Variants in PRKACA observed in about 807,000 individuals in gnomAD.
The protein encoded by PRKACA is protein kinase cAMP-activated catalytic subunit alpha.
A neutral mutation model predicts 45.8 loss-of-function variants in PRKACA; 9 were observed. The observed-to-expected ratio is 0.20, with a 90% confidence interval of 0.12 to 0.34. The LOEUF (loss-of-function observed/expected upper bound fraction) is 0.34, where lower values mean the gene tolerates loss of function less well. PRKACA is among the 10% of genes least tolerant of loss of function. PRKACA has a pLI of 1.00. For missense variants in PRKACA, 238 were observed against 458.6 expected (o/e 0.52, Z 4.39); for synonymous variants, 160 against 178.6 (o/e 0.90, Z 0.83).
intron 2 of PRKACA, 103 bp from the exon 3 acceptor site, chr19:14,106,991 G>C: frequency 6.8e-7 from 1 of 1,470,554 alleles, no homozygotes; most frequent in South Asian, 1.3e-5. Context: ...GGGCCCCGGG[G>C]AGCACGTGGG....
chr19:14,095,677 C>G (rs893566063), intron 8 of PRKACA, among the ~76,000 whole-genome samples: 13 of 151,700 alleles, frequency 8.6e-5, no homozygotes, highest in Non-Finnish European at 1.6e-4. Flanking sequence ...GCCACCACGC[C>G]CAGCTAATTT....
intron 1 of PRKACA, chr19:14,112,789 C>T (rs1243991593): frequency 6.6e-6 from 1 of 152,500 alleles, no homozygotes; most frequent in East Asian, 1.9e-4. Context: ...CTGCCTTCCT[C>T]AGTGGGCACT....
chr19:14,112,052 T>A (rs1165353362), intron 1 of PRKACA, among the ~76,000 whole-genome samples: 1 of 152,192 alleles, frequency 6.6e-6, no homozygotes, highest in East Asian at 1.9e-4. Context: ...AGCATGGCCC[T>A]TCTCTGGCCT....
At chr19:14,103,000 GAGCC>G (rs1026873927) in intron 3 of PRKACA, 86 bp from the exon 4 acceptor site, 65 of 1,097,022 alleles carry the variant, frequency 5.9e-5, no homozygotes, top group Non-Finnish European at 7.2e-5. Flanking sequence ...AGGGATGCCG[GAGCC>G]AGGCCGGTTC....
chr19:14,103,387 G>GC (rs1977502602), intron 3 of PRKACA, among the ~76,000 whole-genome samples: 1 of 152,140 alleles, frequency 6.6e-6, no homozygotes, highest in Admixed American at 6.5e-5. Context: ...TGAACCTCAG[G>GC]CTAACAGCTC....
chr19:14,099,438 C>T (rs1977375934), intron 5 of PRKACA, among the ~76,000 whole-genome samples: 1 of 151,062 alleles, frequency 6.6e-6, no homozygotes, highest in Admixed American at 6.6e-5. Flanking sequence ...ACGGCTTATG[C>T]AGTCTTTTTT....
intron 3 of PRKACA, among the ~76,000 whole-genome samples, chr19:14,106,200 C>A (rs1439498675): frequency 1.3e-5 from 2 of 151,866 alleles, no homozygotes; most frequent in Non-Finnish European, 2.9e-5. Context: ...AAAAAACAAA[C>A]AAACAACAAA....
chr19:14,104,353 A>AC (rs1045727425), intron 3 of PRKACA, among the ~76,000 whole-genome samples: 3 of 149,728 alleles, frequency 2.0e-5, no homozygotes, highest in African/African-American at 4.9e-5. Context: ...AAAAAAAAAA[A>AC]AACAACAACC....
In PRKACA at chr19:14,093,774, A is replaced by T. The variant is rs762420208; in HGVS notation, c.784T>A (p.Phe262Ile). The T allele has an allele frequency of 1.2e-6, 2 of 1,613,438 alleles. No homozygotes were observed. The highest frequency in any genetic ancestry group is 2.2e-5 in the South Asian group (2 of 91,014). ...VSGKVRFPSH[F>I]SSDLKDLLRN... Reference sequence around the variant, plus strand: ...AGCAGGTCCTTCAAGTCAGAGCTGAAGTGGGAAGGGAAGCGCACCTGGAGG... The same window carrying T: ...AGCAGGTCCTTCAAGTCAGAGCTGATGTGGGAAGGGAAGCGCACCTGGAGG... Residue 262 changes from phenylalanine to isoleucine, a missense_variant, in exon 9 of 10, where the codon TTC becomes ATC. By Grantham distance (21) the Phe-to-Ile change is conservative (BLOSUM62 0). Coordinates refer to ENST00000308677, the MANE Select transcript of PRKACA (RefSeq NM_002730.4).
At chr19:14,113,909 C>T (rs1349109750) in intron 1 of PRKACA, among the ~76,000 whole-genome samples, 1 of 152,168 alleles carries the variant, frequency 6.6e-6, no homozygotes, top group Non-Finnish European at 1.5e-5. Context: ...TGAGCTGGCC[C>T]CCTGCCGGGT....
chr19:14,114,050 C>T lies in PRKACA; in HGVS notation c.46+3452G>A, dbSNP rs1221079913. ...CACATCCTTCTTCTCTTCGCCTGTG[C>T]CCCAGACCCCGCTGCAGCCCCTCCC... On this transcript the variant is annotated intron_variant, in intron 1 of 9. Transcript: ENST00000308677. The T allele has an allele frequency of 7.5e-6, 11 of 1,470,042 alleles. No homozygotes were observed. The African/African-American group carries it at 9.9e-5, about 13-fold the overall frequency. The allele number at this position is 1,470,042 out of a possible 1,614,324, so 91.1% of individuals were successfully genotyped here. A position where few individuals can be genotyped will look rare whatever the true frequency, so the allele number is the denominator to read the frequency against.
rs1273516572 is a variant in PRKACA, at chr19:14,092,394, G to C, written c.*718C>G. The C allele has an allele frequency of 2.6e-6, 1 of 377,904 alleles. No individual in the cohort carries two copies. The highest frequency in any genetic ancestry group is 3.8e-5 in the East Asian group (1 of 26,550). 23.4% of individuals were successfully genotyped at this position (377,904 alleles called of 1,614,324 possible). On this transcript the variant is annotated 3_prime_UTR_variant, in exon 10 of 10. Transcript: ENST00000308677. ...CAGGATTGGCAGAGAGGATTCCCCG[G>C]GGAGGGGCCCAGGGGAGATTAGCAG...
At chr19:14,093,875 T>C in intron 8 of PRKACA, 83 bp from the exon 9 acceptor site, 1 of 1,408,420 alleles carries the variant, frequency 7.1e-7, no homozygotes. Flanking sequence ...CATCCAACGG[T>C]CCTACTGGGT....
At chr19:14,108,527 C>T (rs1206924878) in intron 1 of PRKACA, 3 of 152,088 alleles carry the variant, frequency 2.0e-5, no homozygotes, top group African/African-American at 7.2e-5. Context: ...CCTGCCTCAG[C>T]CTCCTGAGTA....
chr19:14,100,101 C>T (rs1444191907), intron 5 of PRKACA, among the ~76,000 whole-genome samples: 5 of 151,992 alleles, frequency 3.3e-5, no homozygotes, highest in Non-Finnish European at 7.4e-5. Context: ...CCTCGGCCTC[C>T]CAAAGTTCTA....
chr19:14,109,373 G>A (rs1292228971), intron 1 of PRKACA, among the ~76,000 whole-genome samples: 14 of 151,724 alleles, frequency 9.2e-5, no homozygotes, highest in Non-Finnish European at 1.3e-4. Context: ...GCTTCGACCC[G>A]GGAGGCAGAA....
intron 1 of PRKACA, 123 bp from the exon 2 acceptor site, chr19:14,107,532 TTCTGGTGCC>T: frequency 7.5e-7 from 1 of 1,340,936 alleles, no homozygotes; most frequent in East Asian, 2.4e-5. Context: ...CCTGACCTTT[TTCTGGTGCC>T]TCTGGGGCCT....
intron 1 of PRKACA, chr19:14,108,425 T>TGATTGAGAC (rs1977676985): frequency 6.6e-6 from 1 of 152,554 alleles, no homozygotes; most frequent in Admixed American, 6.5e-5. Flanking sequence ...ATTGATTGAT[T>TGATTGAGAC]GAGACGGAGT....
chr19:14,102,894 G>C lies in PRKACA; in HGVS notation c.258C>G (p.Ile86Met). The change falls in exon 4 of 10, where the codon ATC becomes ATG. Residue 86 changes from isoleucine (I) to methionine (M), a missense_variant. Transcript: ENST00000308677. ...TGCGCTTTTCATTCAGGGTGTGTTC[G>C]ATCTGTTTCAGTTTCACCACCTGGG... ...DKQKVVKLKQIEHTLNEKRIL... is the reference protein window; with the variant it reads ...DKQKVVKLKQMEHTLNEKRIL... 1.2e-6 allele frequency: 2 copies of C among 1,614,058 alleles called. No homozygotes were observed. The highest frequency in any genetic ancestry group is 2.2e-5 in the South Asian group (2 of 91,082).
Sources: gnomAD v4.1 joint callset for allele counts (sites outside exome capture counted in the v4.1 genomes callset) on GRCh38, gnomAD v4.1.1 for gene constraint, MANE v1.5 for transcripts, NCBI Gene and HGNC (gene_info 2026-07-23, HGNC 2026-07-21) for gene names.